The following PCDHGA2 variants were observed in gnomAD, a reference collection of about 807,000 sequenced individuals.
The protein encoded by PCDHGA2 is protocadherin gamma subfamily A, 2.
Under a neutral mutation model 59.2 loss-of-function variants are expected in PCDHGA2, and 40 were observed. The ratio of observed to expected loss-of-function variants is 0.68; its 90% confidence interval spans 0.52 to 0.88. The LOEUF is 0.88. Among genes scored for constraint, PCDHGA2 ranks in the 40% least tolerant of loss-of-function variants. PCDHGA2 has a pLI of 0.00. For synonymous variants in PCDHGA2, 560 were observed against 526.0 expected, an observed-to-expected ratio of 1.06 and a Z score of -0.89; for missense variants, 1,226 against 1,204.0, an observed-to-expected ratio of 1.02 and a Z score of -0.27.
At chr5:141,384,274 G>C (rs1396743546) in intron 1 of PCDHGA2, 1 of 1,613,704 alleles carries the variant, frequency 6.2e-7, no homozygotes, top group Non-Finnish European at 8.5e-7. Flanking sequence ...ATCCTACTCA[G>C]TCTACATCGC....
intron 1 of PCDHGA2, among the ~76,000 whole-genome samples, chr5:141,448,877 G>A (rs1421211206): frequency 6.6e-6 from 1 of 152,112 alleles, no homozygotes; most frequent in African/African-American, 2.4e-5. Flanking sequence ...CCTGGGAGGC[G>A]GAGCTTGCAG....
chr5:141,351,150 T>C, intron 1 of PCDHGA2: 1 of 1,614,020 alleles, frequency 6.2e-7, no homozygotes. Context: ...ACTGGCGACA[T>C]CACAACCAAT....
chr5:141,478,461 T>C, intron 1 of PCDHGA2: 1 of 1,613,254 alleles, frequency 6.2e-7, no homozygotes, highest in East Asian at 2.2e-5. Flanking sequence ...GCCAGTCCAC[T>C]GGCCAGCCGC....
At chr5:141,452,897 T>C (rs1447851469) in intron 1 of PCDHGA2, among the ~76,000 whole-genome samples, 1 of 152,230 alleles carries the variant, frequency 6.6e-6, no homozygotes, top group Non-Finnish European at 1.5e-5. Flanking sequence ...CCACTTTTAT[T>C]AGTTGGCATT....
chr5:141,384,981 G>T (rs1780732379), intron 1 of PCDHGA2: 1 of 1,614,142 alleles, frequency 6.2e-7, no homozygotes, highest in Non-Finnish European at 8.5e-7. Context: ...TGTACCTGGT[G>T]GTGGCGGTGG....
intron 1 of PCDHGA2, chr5:141,382,920 C>T (rs894174603): frequency 2.6e-6 from 4 of 1,558,806 alleles, no homozygotes; most frequent in Admixed American, 1.9e-5. Flanking sequence ...AGCCGAGGGG[C>T]GGGGACTACA....
In PCDHGA2 at chr5:141,393,482, T is replaced by C. The variant is rs116240246; in HGVS notation, c.2424+52087T>C. The C allele has an allele frequency of 5.3e-4, 852 of 1,614,070 alleles. 7 individuals carry two copies. In the African/African-American group the frequency reaches 0.01, roughly 19 times the overall value. ...CGGATGGCGGCAAGCCGCCTCGCTC[T>C]AGCACAGTGCGCATCCACGTGACAG... is the stretch of plus-strand genomic sequence containing the variant. On this transcript the variant is annotated intron_variant, in intron 1 of 3. Coordinates refer to ENST00000394576, the MANE Select transcript of PCDHGA2 (RefSeq NM_018915.4).
chr5:141,358,757 T>C (rs1761012774), intron 1 of PCDHGA2, among the ~76,000 whole-genome samples: 1 of 152,252 alleles, frequency 6.6e-6, no homozygotes, highest in Non-Finnish European at 1.5e-5. Flanking sequence ...CTTGTCATCA[T>C]GTGAGCCTCT....
Position 141,490,850 on chromosome 5 carries a change from G to A in PCDHGA2, c.2425-3957G>A, listed in dbSNP as rs374508743. The A allele has an allele frequency of 7.2e-5, 116 of 1,613,706 alleles. No homozygotes were observed. The highest frequency in any genetic ancestry group is 9.5e-5 in the Non-Finnish European group (112 of 1,179,902). ...ATGCTGCAGATTGTGGTGGGGGTTC[G>A]AGACTCCGGCTCTCCCCCATTGCAT... On this transcript the variant is annotated intron_variant, in intron 1 of 3. Transcript: ENST00000394576. This position sits in a 1 kb window ranked among gnomAD's most constrained non-coding sequence, Gnocchi z 5.4.
chr5:141,410,645 A>G (rs755117096), intron 1 of PCDHGA2: 11 of 1,597,402 alleles, frequency 6.9e-6, no homozygotes, highest in Non-Finnish European at 9.3e-6. Flanking sequence ...TTTGTGTGTG[A>G]TTTATCTAAT....
At chr5:141,415,569 A>G (rs962518094) in intron 1 of PCDHGA2, 12 of 1,614,092 alleles carry the variant, frequency 7.4e-6, no homozygotes, top group Non-Finnish European at 1.0e-5. Flanking sequence ...TGTCTTTGTT[A>G]GATGATTCGA....
intron 1 of PCDHGA2, chr5:141,478,270 C>G (rs1347709530): frequency 5.6e-6 from 9 of 1,614,078 alleles, no homozygotes; most frequent in Non-Finnish European, 6.8e-6. Context: ...TCAAAGTTTA[C>G]AAGTGGAAGC....
At chr5:141,501,288 T>TATACAC (rs201660636) in intron 2 of PCDHGA2, among the ~76,000 whole-genome samples, 3,536 of 81,176 alleles carry the variant, frequency 0.044, 56 homozygotes, top group Admixed American at 0.065. Flanking sequence ...GATATTCCCT[T>TATACAC]ATACACACAC....
intron 1 of PCDHGA2, chr5:141,364,748 G>A: frequency 1.2e-6 from 2 of 1,613,978 alleles, no homozygotes; most frequent in South Asian, 1.1e-5. Flanking sequence ...AGAGTTAAAA[G>A]TAAAAGTTAA....
intron 1 of PCDHGA2, chr5:141,355,353 C>A (rs1329222262): frequency 6.2e-7 from 1 of 1,614,006 alleles, no homozygotes; most frequent in Non-Finnish European, 8.5e-7. Context: ...TCGCCAAGGA[C>A]CTGGGGTTGG....
intron 1 of PCDHGA2, chr5:141,361,695 C>G (rs754328997): frequency 8.1e-6 from 13 of 1,613,468 alleles, no homozygotes; most frequent in Non-Finnish European, 1.0e-5. Flanking sequence ...AGCGCGCCTT[C>G]GATCATGAGC....
intron 1 of PCDHGA2, chr5:141,344,996 A>G (rs774542255): frequency 1.2e-6 from 2 of 1,613,974 alleles, no homozygotes; most frequent in Non-Finnish European, 1.7e-6. Flanking sequence ...AAATTGAAGC[A>G]CAGGATGGAC....
chr5:141,501,412 T>C (rs1479005426), intron 2 of PCDHGA2, among the ~76,000 whole-genome samples: 7 of 151,550 alleles, frequency 4.6e-5, no homozygotes, highest in African/African-American at 1.7e-4. Context: ...GCTTGGAAAA[T>C]AGTTGACTAA....
chr5:141,450,842 T>TTTTTA, intron 1 of PCDHGA2, among the ~76,000 whole-genome samples: 1 of 148,196 alleles, frequency 6.7e-6, no homozygotes, highest in African/African-American at 2.5e-5. Context: ...TTTTTTTTTT[T>TTTTTA]GAGATGGGGT....
Sources: gnomAD v4.1 joint callset for allele counts (sites outside exome capture counted in the v4.1 genomes callset) on GRCh38, gnomAD v4.1.1 for gene constraint, Gnocchi (gnomAD v3.1) non-coding constraint, MANE v1.5 for transcripts, NCBI Gene and HGNC (gene_info 2026-07-23, HGNC 2026-07-21) for gene names.